Variants in ABR observed in about 807,000 individuals in gnomAD.
ABR encodes the protein ABR activator of RhoGEF and GTPase.
Under a neutral mutation model 107.2 loss-of-function variants are expected in ABR, and 35 were observed. That is an observed-to-expected ratio of 0.33 (90% CI 0.25 to 0.43). The LOEUF is 0.43. ABR is among the 20% of genes least tolerant of loss of function. ABR has a pLI of 1.00. For missense variants in ABR, 815 were observed against 1,115.2 expected (o/e 0.73, Z 3.83); for synonymous variants, 498 against 462.0 (o/e 1.08, Z -1.00).
intron 1 of ABR, among the ~76,000 whole-genome samples, chr17:1,197,905 G>A (rs757979257): frequency 2.6e-5 from 4 of 151,638 alleles, no homozygotes; most frequent in Non-Finnish European, 5.9e-5. Flanking sequence ...ACTGGCTTTG[G>A]GGGCAAATAC....
At chr17:1,038,510 C>A (rs975818858) in intron 16 of ABR, among the ~76,000 whole-genome samples, 4 of 152,186 alleles carry the variant, frequency 2.6e-5, no homozygotes, top group African/African-American at 7.2e-5. Flanking sequence ...CGTCTCCAGC[C>A]GCGCTAGGGT....
In ABR at chr17:1,152,715, CT is replaced by C. The variant is rs1382279988; in HGVS notation, c.61+26951del. ...GTAGGCAAAAGATGAGAGAGGAGAT[CT>C]GAACCCAGGCATTGCACTGGCTTGG... On this transcript the variant is annotated intron_variant, in intron 1 of 22. Transcript: ENST00000302538. Among the ~76,000 whole-genome samples the C allele has an allele frequency of 5.3e-5, 8 of 152,270 alleles. No individual in the cohort carries two copies. In the East Asian group the frequency reaches 1.4e-3, roughly 26 times the overall value.
At chr17:1,152,133 C>G (rs1461615300) in intron 1 of ABR, among the ~76,000 whole-genome samples, 1 of 152,168 alleles carries the variant, frequency 6.6e-6, no homozygotes, top group East Asian at 1.9e-4. Context: ...ACTAAAAATA[C>G]AAAAAAGTTA....
chr17:1,011,779 TC>T lies in ABR; in HGVS notation c.2101+66del. 2.0e-6 allele frequency: 3 copies of T among 1,508,190 alleles called. No homozygotes were observed. In the East Asian group the frequency reaches 6.9e-5, roughly 35 times the overall value. The allele number at this position is 1,508,190 out of a possible 1,614,324, so 93.4% of individuals were successfully genotyped here. ...GGAGGCTCCTGGTTCCCCCGAGCTC[TC>T]CTGTCCATCCCACCAGCCTGCTCAG... On this transcript the variant is annotated intron_variant, in intron 19 of 22. Transcript: ENST00000302538. The surrounding 1 kb of genome is among the most constrained non-coding windows in gnomAD (Gnocchi z 4.8).
chr17:1,009,191 TGCTGTCC>T (rs2070310905), intron 21 of ABR, among the ~76,000 whole-genome samples: 5 of 61,542 alleles, frequency 8.1e-5, no homozygotes, highest in African/African-American at 9.3e-5. Flanking sequence ...CCATCCCCAC[TGCTGTCC>T]ATTCCCCCAC....
chr17:1,175,017 G>T (rs1235186373), intron 1 of ABR, among the ~76,000 whole-genome samples: 1 of 152,018 alleles, frequency 6.6e-6, no homozygotes, highest in East Asian at 1.9e-4. Context: ...AATCCCATGG[G>T]ATTGGGAAAA....
rs1429913855 is a variant in ABR at position 1,088,054 on chromosome 17, T to C, written c.531+3611A>G. The stretch of plus-strand genomic sequence containing the variant: ...AATACCCAGAGTCTTCGGCTGAAAA[T>C]AAACCACCTCCGGATGCCAGACCTG... On this transcript the variant is annotated intron_variant, in intron 4 of 22. Transcript: ENST00000302538. Among the ~76,000 whole-genome samples the C allele has an allele frequency of 2.0e-5, 3 of 152,042 alleles. No homozygotes were observed. In the East Asian group the frequency reaches 5.8e-4, roughly 29 times the overall value.
At chr17:1,066,261 T>A (rs1396962150) in intron 10 of ABR, among the ~76,000 whole-genome samples, 1 of 152,162 alleles carries the variant, frequency 6.6e-6, no homozygotes, top group Non-Finnish European at 1.5e-5. Flanking sequence ...TGCAGAAAAA[T>A]TTTGAGATTT....
At chr17:1,184,786 C>A (rs2042239680), upstream of ABR, 1 of 152,024 alleles carries the variant, frequency 6.6e-6, no homozygotes, top group African/African-American at 2.4e-5. Flanking sequence ...GCCTCACCCT[C>A]CCAAAGTGCT....
rs1597912930 is a variant in ABR at position 1,128,136 on chromosome 17, A to T, written c.62-2769T>A. On this transcript the variant is annotated intron_variant, in intron 1 of 22. Transcript: ENST00000302538. ...GGCGGCGAAAGGGCTCGGCCTGCGA[A>T]CATTTCCAGGGCCTTCCCCTTTCAT... Among the ~76,000 whole-genome samples the T allele has an allele frequency of 1.3e-5, 2 of 152,326 alleles. 1 individual carries two copies.
At chr17:1,081,860 A>C (rs2036258573) in intron 5 of ABR, among the ~76,000 whole-genome samples, 1 of 151,944 alleles carries the variant, frequency 6.6e-6, no homozygotes, top group Non-Finnish European at 1.5e-5. Flanking sequence ...GACAGGTGTG[A>C]GCCGCCACGC....
chr17:1,157,138 A>G lies in ABR; in HGVS notation c.61+22529T>C, dbSNP rs1268409543. 2.0e-5 allele frequency among the ~76,000 whole-genome samples: 3 copies of G among 152,156 alleles called. No homozygotes were observed. The highest frequency in any genetic ancestry group is 7.2e-5 in the African/African-American group (3 of 41,428). ...AACCGAAGCTCAGATAGGTCAGATG[A>G]CTGGCCCAAGGTCACACAGCTGCTG... On this transcript the variant is annotated intron_variant, in intron 1 of 22. Coordinates refer to ENST00000302538, the MANE Select transcript of ABR (RefSeq NM_021962.5). This position sits in a 1 kb window ranked among gnomAD's most constrained non-coding sequence, Gnocchi z 4.7.
intron 1 of ABR, among the ~76,000 whole-genome samples, chr17:1,186,179 G>A (rs2042292843): frequency 6.6e-6 from 1 of 152,150 alleles, no homozygotes; most frequent in Admixed American, 6.5e-5. Flanking sequence ...CTCCAGTCTG[G>A]GGAAAGAAGA....
chr17:1,088,019 C>T (rs972500929), intron 4 of ABR, among the ~76,000 whole-genome samples: 1 of 152,214 alleles, frequency 6.6e-6, no homozygotes, highest in Non-Finnish European at 1.5e-5. Flanking sequence ...CTCTCAGTAA[C>T]GAATAATCAA....
intron 14 of ABR, among the ~76,000 whole-genome samples, chr17:1,054,166 G>A (rs1023133890): frequency 2.6e-5 from 4 of 152,210 alleles, no homozygotes; most frequent in Non-Finnish European, 5.9e-5. Flanking sequence ...TGACCTCGGC[G>A]GGATGCCGGA....
chr17:1,229,321 C>T (rs936800749), exon 1 of ABR, among the ~76,000 whole-genome samples: 3 of 150,704 alleles, frequency 2.0e-5, no homozygotes, highest in African/African-American at 7.3e-5. Context: ...CCGGGCCCGG[C>T]GGGCAGGTCC....
chr17:1,052,076 A>G (rs1246295816), intron 14 of ABR, among the ~76,000 whole-genome samples: 2 of 151,734 alleles, frequency 1.3e-5, no homozygotes, highest in Non-Finnish European at 2.9e-5. Flanking sequence ...TTTCTCAAAA[A>G]AAAAAAAACC....
chr17:1,202,469 T>G (rs1385748324), intron 1 of ABR, among the ~76,000 whole-genome samples: 1 of 152,230 alleles, frequency 6.6e-6, no homozygotes, highest in Non-Finnish European at 1.5e-5. Flanking sequence ...GTCTCTTTCC[T>G]ATACTCTTCA....
intron 16 of ABR, among the ~76,000 whole-genome samples, chr17:1,030,097 C>G (rs2150902157): frequency 6.6e-6 from 1 of 152,358 alleles, no homozygotes; most frequent in East Asian, 1.9e-4. Context: ...CACCCCTGCC[C>G]AGAGATCCCC....
Sources: gnomAD v4.1 joint callset for allele counts (sites outside exome capture counted in the v4.1 genomes callset) on GRCh38, gnomAD v4.1.1 for gene constraint, Gnocchi (gnomAD v3.1) non-coding constraint, MANE v1.5 for transcripts, NCBI Gene and HGNC (gene_info 2026-07-23, HGNC 2026-07-21) for gene names.